Variants in SUGP1 observed in about 807,000 individuals in gnomAD.
SUGP1 encodes SURP and G-patch domain-containing protein 1.
A neutral mutation model predicts 76.5 loss-of-function variants in SUGP1; 34 were observed. The ratio of observed to expected loss-of-function variants is 0.44; its 90% confidence interval spans 0.34 to 0.59. The LOEUF (loss-of-function observed/expected upper bound fraction) is 0.59, where lower values mean the gene tolerates loss of function less well. Ranked by LOEUF, SUGP1 falls within the 20% of genes least tolerant of loss-of-function variation. The pLI, the probability that SUGP1 is intolerant of heterozygous loss-of-function variation, is 0.01. For missense variants in SUGP1, 752 were observed against 851.7 expected (o/e 0.88, Z 1.46); for synonymous variants, 326 against 326.2 (o/e 1.00, Z 0.01).
chr19:19,318,110 C>CT (rs1555791506), intron 1 of SUGP1, among the ~76,000 whole-genome samples: 1 of 107,092 alleles, frequency 9.3e-6, no homozygotes. Flanking sequence ...CGAACCCAGC[C>CT]TTCTTTTTTT....
At position 19,305,891 on chromosome 19, in the gene SUGP1, C is replaced by T. The variant is rs2061313633; in HGVS notation, c.496G>A (p.Glu166Lys). 20 of 1,613,574 alleles carry T rather than the reference C, an allele frequency of 1.2e-5. No individual in the cohort carries two copies. Among genetic ancestry groups the T allele is most frequent in the East Asian group, 2.2e-5 (1 of 44,848 alleles). ...TGCTCATAGTCCTCCTCCTCGTCCT[C>T]GTCAGGGGACTGGAAGACACTCGGG... ...HRPSVFQSPD[E>K]DEEEDYEQWL... The change falls in exon 4 of 14, where the codon GAG becomes AAG. Residue 166 changes from glutamate to lysine, a missense_variant. Physicochemically the swap from Glu to Lys is moderately conservative, Grantham distance 56. Around this residue, in one of 2 missense-constraint regions of SUGP1, gnomAD observed 620 missense variants for 617.3 expected, o/e 1.00. Coordinates refer to ENST00000247001, the MANE Select transcript of SUGP1 (RefSeq NM_172231.4).
chr19:19,280,098 A>G, intron 9 of SUGP1, 87 bp downstream of exon 9: 1 of 1,287,024 alleles, frequency 7.8e-7, no homozygotes, highest in Non-Finnish European at 1.1e-6. Flanking sequence ...AAGCACATGA[A>G]CCCCTGTGAC....
chr19:19,316,077 T>A (rs989185964), intron 2 of SUGP1, among the ~76,000 whole-genome samples: 3 of 152,092 alleles, frequency 2.0e-5, no homozygotes, highest in African/African-American at 7.2e-5. Context: ...CTAGTGATCC[T>A]CTGTCTCAGC....
At chr19:19,305,672 C>T in intron 4 of SUGP1, 177 bp downstream of exon 4, 1 of 587,848 alleles carries the variant, frequency 1.7e-6, no homozygotes, top group Non-Finnish European at 2.9e-6. Flanking sequence ...AGCCCCGCCC[C>T]TCACCCTCCT....
At chr19:19,307,869 T>G (rs975616183) in intron 3 of SUGP1, among the ~76,000 whole-genome samples, 3 of 152,150 alleles carry the variant, frequency 2.0e-5, no homozygotes, top group Non-Finnish European at 2.9e-5. Context: ...TTTACCACAT[T>G]GGCCAGGCTG....
chr19:19,284,780 A>G (rs956230131), intron 8 of SUGP1, among the ~76,000 whole-genome samples: 2 of 152,226 alleles, frequency 1.3e-5, no homozygotes, highest in Non-Finnish European at 2.9e-5. Flanking sequence ...AACAGGAACA[A>G]CAGCTTCTGC....
chr19:19,285,006 T>G (rs1377977857), intron 8 of SUGP1, among the ~76,000 whole-genome samples: 1 of 151,822 alleles, frequency 6.6e-6, no homozygotes, highest in Non-Finnish European at 1.5e-5. Context: ...TAGCTGGGAC[T>G]ACAGGCGCCC....
chr19:19,278,631 C>T (rs2079466037), intron 11 of SUGP1, 59 bp downstream of exon 11: 1 of 1,471,428 alleles, frequency 6.8e-7, no homozygotes, highest in African/African-American at 1.4e-5. Flanking sequence ...CAGGGTGAGG[C>T]AGCTACAGGA....
intron 8 of SUGP1, among the ~76,000 whole-genome samples, chr19:19,284,588 T>C (rs1440314180): frequency 6.6e-6 from 1 of 152,232 alleles, no homozygotes; most frequent in African/African-American, 2.4e-5. Context: ...TTTATGTGTA[T>C]AGGACTGCTA....
At chr19:19,307,961 A>C (rs1239525898) in intron 3 of SUGP1, among the ~76,000 whole-genome samples, 12 of 152,138 alleles carry the variant, frequency 7.9e-5, no homozygotes. Flanking sequence ...CACTGTGCCC[A>C]GTGAGTATTT....
chr19:19,306,207 G>A (rs1249111750), intron 3 of SUGP1, 131 bp from the exon 4 acceptor site: 1 of 833,076 alleles, frequency 1.2e-6, no homozygotes, highest in African/African-American at 1.7e-5. Context: ...GCTCAGAGGA[G>A]GCCACCCTGA....
chr19:19,281,468 A>T (rs371420318), intron 8 of SUGP1: 3 of 152,162 alleles, frequency 2.0e-5, no homozygotes, highest in Non-Finnish European at 2.9e-5. Flanking sequence ...ATCTTCATTC[A>T]GTAGCTTTTC....
chr19:19,307,885 G>A (rs1029488080), intron 3 of SUGP1, among the ~76,000 whole-genome samples: 9 of 152,118 alleles, frequency 5.9e-5, no homozygotes, highest in South Asian at 4.1e-4. Context: ...GGCTGGTCTC[G>A]AACTCCTGAC....
chr19:19,291,889 T>TCACA (rs541521385), intron 8 of SUGP1, among the ~76,000 whole-genome samples: 31,414 of 128,136 alleles, frequency 0.25, 4,149 homozygotes, highest in East Asian at 0.44. Context: ...TGAGACTCTG[T>TCACA]CACACACACA....
chr19:19,296,399 G>A (rs1479312954), intron 8 of SUGP1, among the ~76,000 whole-genome samples: 2 of 152,072 alleles, frequency 1.3e-5, no homozygotes, highest in East Asian at 3.9e-4. Flanking sequence ...CTACGTCCCA[G>A]CACTTTGGGA....
intron 8 of SUGP1, among the ~76,000 whole-genome samples, chr19:19,285,379 C>T (rs1276183352): frequency 6.6e-6 from 1 of 152,004 alleles, no homozygotes; most frequent in East Asian, 1.9e-4. Flanking sequence ...GTTGGCCAGG[C>T]TGGTTTCAAA....
chr19:19,279,826 G>A (rs768877671), intron 9 of SUGP1, among the ~76,000 whole-genome samples: 20 of 152,310 alleles, frequency 1.3e-4, no homozygotes, highest in African/African-American at 2.2e-4. Flanking sequence ...CACTAGACAC[G>A]ACAGAGGACT....
At chr19:19,309,812 T>C (rs1000492082) in intron 3 of SUGP1, among the ~76,000 whole-genome samples, 3 of 152,178 alleles carry the variant, frequency 2.0e-5, no homozygotes, top group African/African-American at 7.2e-5. Context: ...CTCAGGAGGC[T>C]GAGGCAGGAG....
At position 19,277,898 on chromosome 19, in the gene SUGP1, G is replaced by T; in HGVS notation, c.1636-19C>A. The T allele has an allele frequency of 6.2e-7, 1 of 1,612,194 alleles. No individual in the cohort carries two copies. The highest frequency in any genetic ancestry group is 1.1e-5 in the South Asian group (1 of 91,064). On this transcript the variant is annotated intron_variant, in intron 11 of 13. Coordinates refer to ENST00000247001, the MANE Select transcript of SUGP1 (RefSeq NM_172231.4). ...GGCCCTCCTGCAAGGTGAGGAGGTA[G>T]CTGTCACCCACCAGGGCTGGGGCTG...
Sources: gnomAD v4.1 joint callset for allele counts (sites outside exome capture counted in the v4.1 genomes callset) on GRCh38, gnomAD v4.1.1 for gene constraint, gnomAD v4.1.1 regional missense constraint, MANE v1.5 for transcripts, NCBI Gene and HGNC (gene_info 2026-07-23, HGNC 2026-07-21) for gene names.